The following FAM83B variants were observed in gnomAD, a reference collection of about 807,000 sequenced individuals.
FAM83B encodes the protein protein FAM83B.
A neutral mutation model predicts 38.8 loss-of-function variants in FAM83B; 26 were observed. The observed-to-expected ratio is 0.67, with a 90% confidence interval of 0.49 to 0.93. The LOEUF is 0.93. Ranked by LOEUF, FAM83B falls within the 40% of genes least tolerant of loss-of-function variation. The pLI, the probability that FAM83B is intolerant of heterozygous loss-of-function variation, is 0.00. For synonymous variants in FAM83B, 419 were observed against 423.1 expected, an observed-to-expected ratio of 0.99 and a Z score of 0.12; for missense variants, 1,237 against 1,197.3, an observed-to-expected ratio of 1.03 and a Z score of -0.49.
chr6:54,917,297 A>G (rs1419387132), intron 2 of FAM83B, among the ~76,000 whole-genome samples: 1 of 152,184 alleles, frequency 6.6e-6, no homozygotes, highest in African/African-American at 2.4e-5. Flanking sequence ...TTAATTATGG[A>G]AAGATCTAAC....
intron 1 of FAM83B, among the ~76,000 whole-genome samples, chr6:54,852,199 A>G (rs183166155): frequency 2.0e-5 from 3 of 152,310 alleles, no homozygotes; most frequent in East Asian, 1.9e-4. Flanking sequence ...GCTTTGCTTT[A>G]TGGTACTTTG....
intron 4 of FAM83B, among the ~76,000 whole-genome samples, chr6:54,932,007 C>CTTTTTTTTT (rs377085448): frequency 6.7e-5 from 6 of 89,188 alleles, no homozygotes; most frequent in African/African-American, 2.6e-4. Flanking sequence ...TTACATAAAA[C>CTTTTTTTTT]TTTTTTTTTT....
At chr6:54,856,752 C>CT (rs1771455485) in intron 1 of FAM83B, among the ~76,000 whole-genome samples, 2 of 152,142 alleles carry the variant, frequency 1.3e-5, no homozygotes, top group Non-Finnish European at 2.9e-5. Context: ...GAGAAAAGCA[C>CT]TTTTTTCAGT....
intron 2 of FAM83B, among the ~76,000 whole-genome samples, chr6:54,872,735 G>A (rs1360678988): frequency 1.3e-5 from 2 of 152,098 alleles, no homozygotes; most frequent in Non-Finnish European, 2.9e-5. Context: ...CTTCTACCCG[G>A]TCACTGTCCG....
intron 1 of FAM83B, among the ~76,000 whole-genome samples, chr6:54,868,421 T>C (rs1771768504): frequency 6.6e-6 from 1 of 152,142 alleles, no homozygotes. Flanking sequence ...TGAAATGTGA[T>C]TGGGAAAAAG....
intron 1 of FAM83B, among the ~76,000 whole-genome samples, chr6:54,868,351 G>A (rs1379008823): frequency 7.2e-5 from 11 of 152,112 alleles, no homozygotes; most frequent in Admixed American, 7.2e-4. Context: ...ATTTAAAAAT[G>A]TCTCCAGATG....
intron 2 of FAM83B, among the ~76,000 whole-genome samples, chr6:54,920,226 A>T (rs901544608): frequency 1.3e-5 from 2 of 151,760 alleles, no homozygotes; most frequent in Non-Finnish European, 2.9e-5. Context: ...ACAGACTTGG[A>T]AATATATGTC....
At chr6:54,854,755 G>C (rs143278000) in intron 1 of FAM83B, among the ~76,000 whole-genome samples, 1 of 152,106 alleles carries the variant, frequency 6.6e-6, no homozygotes, top group East Asian at 1.9e-4. Context: ...TATCTTCAGC[G>C]TATGCCTAGG....
intron 2 of FAM83B, among the ~76,000 whole-genome samples, chr6:54,888,206 T>C (rs969926395): frequency 1.3e-5 from 2 of 150,412 alleles, no homozygotes; most frequent in Non-Finnish European, 3.0e-5. Context: ...TTAATTCTAC[T>C]AATGCCTCTC....
chr6:54,853,989 T>A (rs766385971), intron 1 of FAM83B, among the ~76,000 whole-genome samples: 3 of 152,162 alleles, frequency 2.0e-5, no homozygotes, highest in Non-Finnish European at 4.4e-5. Flanking sequence ...TTCTAACTCT[T>A]GTAGATGTCT....
intron 2 of FAM83B, among the ~76,000 whole-genome samples, chr6:54,875,687 G>A (rs1036910542): frequency 6.8e-6 from 1 of 148,062 alleles, no homozygotes; most frequent in South Asian, 2.2e-4. Flanking sequence ...GAAGGTGGAA[G>A]AAAGGGAGAG....
intron 2 of FAM83B, among the ~76,000 whole-genome samples, chr6:54,919,042 A>T (rs992521334): frequency 1.3e-5 from 2 of 152,108 alleles, no homozygotes; most frequent in African/African-American, 2.4e-5. Flanking sequence ...CATGCGTGGG[A>T]CACTTACCAG....
At chr6:54,937,900 G>A (rs1773558694) in intron 4 of FAM83B, among the ~76,000 whole-genome samples, 1 of 151,772 alleles carries the variant, frequency 6.6e-6, no homozygotes, top group Non-Finnish European at 1.5e-5. Context: ...TATGTCATTA[G>A]TGTTTGGGGA....
chr6:54,932,716 A>T (rs1773450905), intron 4 of FAM83B, among the ~76,000 whole-genome samples: 2 of 151,908 alleles, frequency 1.3e-5, no homozygotes, highest in Non-Finnish European at 2.9e-5. Context: ...CTTCCTTTTG[A>T]AGGACAGTTT....
At chr6:54,872,325 A>G (rs555647691) in intron 2 of FAM83B, among the ~76,000 whole-genome samples, 23 of 152,296 alleles carry the variant, frequency 1.5e-4, no homozygotes, top group African/African-American at 5.5e-4. Context: ...AAATTATACA[A>G]TTGCATTTTG....
chr6:54,851,748 T>C (rs9475044), intron 1 of FAM83B, among the ~76,000 whole-genome samples: 87,065 of 132,522 alleles, frequency 0.66, 29,969 homozygotes, highest in African/African-American at 0.86. Context: ...CCCGGGTTCA[T>C]GCCATTCTCC....
intron 1 of FAM83B, among the ~76,000 whole-genome samples, chr6:54,859,792 T>C (rs983993359): frequency 6.6e-6 from 1 of 152,242 alleles, no homozygotes; most frequent in African/African-American, 2.4e-5. Context: ...TGTTCATGTG[T>C]TGCTCTATAA....
In FAM83B at chr6:54,944,889, A is replaced by G. The variant is rs1437340381; in HGVS notation, c.*2882A>G. 2 of 152,156 alleles carry G rather than the reference A, an allele frequency of 1.3e-5. No homozygotes were observed. The highest frequency in any genetic ancestry group is 2.9e-5 in the Non-Finnish European group (2 of 68,020). 9.4% of individuals were successfully genotyped at this position (152,156 alleles called of 1,614,324 possible). A position where few individuals can be genotyped will look rare whatever the true frequency, so the allele number is the denominator to read the frequency against. On this transcript the variant is annotated 3_prime_UTR_variant, in exon 5 of 5. Transcript: ENST00000306858. ...GGATAAAATGATAAACCAAAGAGTC[A>G]ACTTGTTAACTTTTCTTTTTTAAGA...
chr6:54,944,440 T>A lies in FAM83B; in HGVS notation c.*2433T>A, dbSNP rs1363529623. The A allele has an allele frequency of 6.6e-6, 1 of 152,182 alleles. No individual in the cohort carries two copies. The highest frequency in any genetic ancestry group is 1.5e-5 in the Non-Finnish European group (1 of 68,026). The allele number at this position is 152,182 out of a possible 1,614,324, so 9.4% of individuals were successfully genotyped here. A position where few individuals can be genotyped will look rare whatever the true frequency, so the allele number is the denominator to read the frequency against. On this transcript the variant is annotated 3_prime_UTR_variant, in exon 5 of 5. Coordinates refer to ENST00000306858, the MANE Select transcript of FAM83B (RefSeq NM_001010872.3). ...TAATTTCAAAGTAGTTCTTGGCAGA[T>A]GGCTAGAGAATACTGCAAGTGACCC...
Sources: gnomAD v4.1 joint callset for allele counts (sites outside exome capture counted in the v4.1 genomes callset) on GRCh38, gnomAD v4.1.1 for gene constraint, MANE v1.5 for transcripts, NCBI Gene and HGNC (gene_info 2026-07-23, HGNC 2026-07-21) for gene names.